Variants in RAB38 observed in about 807,000 individuals in gnomAD.
RAB38 encodes the protein RAB38, member RAS oncogene family.
Under a neutral mutation model 18.4 loss-of-function variants are expected in RAB38, and 15 were observed. The ratio of observed to expected loss-of-function variants is 0.82; its 90% CI spans 0.55 to 1.26. The LOEUF (loss-of-function observed/expected upper bound fraction) is 1.26, where lower values mean the gene tolerates loss of function less well. RAB38 is among the 50% of genes most tolerant of loss of function. RAB38 has a pLI of 0.00. For synonymous variants in RAB38, 101 were observed against 104.4 expected (o/e 0.97, Z 0.20); for missense variants, 294 against 267.4 (o/e 1.10, Z -0.69).
At chr11:87,938,220 T>A in the RAB38 span, among the ~76,000 whole-genome samples, 1 of 152,094 alleles carries the variant, frequency 6.6e-6, no homozygotes, top group East Asian at 1.9e-4. Context: ...TTTCATGGGA[T>A]CTTTCCTGAC....
At chr11:88,044,642 G>T in the RAB38 span, among the ~76,000 whole-genome samples, 7 of 152,108 alleles carry the variant, frequency 4.6e-5, no homozygotes, top group African/African-American at 1.7e-4. Context: ...ACGGTCTGAG[G>T]TGCCTGACGT....
At chr11:88,028,540 T>A in the RAB38 span, among the ~76,000 whole-genome samples, 1 of 152,090 alleles carries the variant, frequency 6.6e-6, no homozygotes, top group Non-Finnish European at 1.5e-5. Flanking sequence ...TTAAAGGGGA[T>A]AATGGAGCTG....
intron 1 of RAB38, chr11:88,167,283 T>C (rs1487377858): frequency 6.6e-6 from 1 of 152,136 alleles, no homozygotes; most frequent in Non-Finnish European, 1.5e-5. Flanking sequence ...CACTGTAAGA[T>C]ATCTGGAATG....
At chr11:88,087,824 T>G in the RAB38 span, among the ~76,000 whole-genome samples, 84 of 152,056 alleles carry the variant, frequency 5.5e-4, no homozygotes, top group Non-Finnish European at 9.7e-4. Flanking sequence ...CACCATTTGC[T>G]GGTTCCTGAT....
the RAB38 span, among the ~76,000 whole-genome samples, chr11:88,052,915 T>G: frequency 1.1e-4 from 2 of 18,922 alleles, 1 homozygote; most frequent in Non-Finnish European, 1.8e-4. Flanking sequence ...TATATATATA[T>G]ATATATATAT....
chr11:88,085,141 C>T, the RAB38 span, among the ~76,000 whole-genome samples: 35 of 151,876 alleles, frequency 2.3e-4, no homozygotes, highest in Non-Finnish European at 4.3e-4. Context: ...AAAAAGAAGA[C>T]TGTCTTTACA....
intron 1 of RAB38, among the ~76,000 whole-genome samples, chr11:88,172,396 T>C (rs745864599): frequency 3.3e-5 from 5 of 152,204 alleles, no homozygotes; most frequent in African/African-American, 1.2e-4. Context: ...AGACACATCA[T>C]GGGAATTTAG....
chr11:87,889,399 C>T, the RAB38 span, among the ~76,000 whole-genome samples: 2 of 151,942 alleles, frequency 1.3e-5, no homozygotes, highest in African/African-American at 4.8e-5. Context: ...TTTCAAGAAT[C>T]TGCTCAAGAT....
the RAB38 span, among the ~76,000 whole-genome samples, chr11:88,097,759 A>C: frequency 6.6e-6 from 1 of 152,036 alleles, no homozygotes; most frequent in South Asian, 2.1e-4. Context: ...CTAAAAATCT[A>C]GAAAAGGACA....
At chr11:88,101,249 A>T in the RAB38 span, among the ~76,000 whole-genome samples, 140,970 of 151,980 alleles carry the variant, frequency 0.93, 65,480 homozygotes, top group African/African-American at 0.98. Context: ...TGAAAATAAT[A>T]TTCACATGGC....
chr11:87,893,716 C>T, the RAB38 span, among the ~76,000 whole-genome samples: 4 of 151,534 alleles, frequency 2.6e-5, no homozygotes, highest in African/African-American at 9.7e-5. Flanking sequence ...CCACCAACTT[C>T]CTACTTATTT....
the RAB38 span, among the ~76,000 whole-genome samples, chr11:87,913,539 C>T: frequency 2.6e-5 from 4 of 151,980 alleles, no homozygotes; most frequent in South Asian, 2.1e-4. Flanking sequence ...GATAGCCTGG[C>T]GCTGGAGTTT....
In RAB38 at chr11:88,130,235, G is replaced by T. The variant is rs540107023; in HGVS notation, c.484-16095C>A. On this transcript the variant is annotated intron_variant, in intron 2 of 2. Coordinates refer to ENST00000243662, the MANE Select transcript of RAB38 (RefSeq NM_022337.3). ...GAAGAAAAAGGAAACCCATCTAAAAGAAGCTAGTTTGACTACAGGAACATC... is the reference window on the plus strand; with the variant it reads ...GAAGAAAAAGGAAACCCATCTAAAATAAGCTAGTTTGACTACAGGAACATC... Among the ~76,000 whole-genome samples, 15 of 152,208 alleles carry T rather than the reference G, an allele frequency of 9.9e-5. No individual in the cohort carries two copies. In the East Asian group the frequency reaches 2.9e-3, roughly 29 times the overall value.
At chr11:87,927,349 T>C in the RAB38 span, among the ~76,000 whole-genome samples, 150 of 152,198 alleles carry the variant, frequency 9.9e-4, no homozygotes, top group African/African-American at 3.3e-3. Flanking sequence ...TTTAAGGCAG[T>C]TGGATTATAA....
At chr11:88,012,797 GAACA>G in the RAB38 span, among the ~76,000 whole-genome samples, 1 of 152,102 alleles carries the variant, frequency 6.6e-6, no homozygotes, top group Admixed American at 6.6e-5. Context: ...GTGGGTGCTT[GAACA>G]AATAAGCCGA....
At chr11:88,085,156 C>A in the RAB38 span, among the ~76,000 whole-genome samples, 1 of 151,854 alleles carries the variant, frequency 6.6e-6, no homozygotes, top group Admixed American at 6.6e-5. Context: ...TTTACAGGAG[C>A]AATGATGCTC....
chr11:88,097,857 T>C, the RAB38 span: 1 of 151,998 alleles, frequency 6.6e-6, no homozygotes, highest in South Asian at 2.1e-4. Flanking sequence ...AGAACCTTAG[T>C]TTTCTTATCA....
At chr11:87,900,316 T>C in the RAB38 span, among the ~76,000 whole-genome samples, 2 of 151,470 alleles carry the variant, frequency 1.3e-5, no homozygotes, top group South Asian at 2.1e-4. Context: ...AACACTCCCA[T>C]AGTATAGAAA....
the RAB38 span, among the ~76,000 whole-genome samples, chr11:87,843,751 G>A: frequency 6.6e-6 from 1 of 152,162 alleles, no homozygotes; most frequent in Non-Finnish European, 1.5e-5. Flanking sequence ...TTTAGTAACT[G>A]CAAAACATGA....
Sources: gnomAD v4.1 joint callset for allele counts (sites outside exome capture counted in the v4.1 genomes callset) on GRCh38, gnomAD v4.1.1 for gene constraint, MANE v1.5 for transcripts, NCBI Gene and HGNC (gene_info 2026-07-23, HGNC 2026-07-21) for gene names.